The following ZC3H18 variants were observed in gnomAD, a reference collection of about 807,000 sequenced individuals.
ZC3H18 encodes zinc finger CCCH domain-containing protein 18.
Under a neutral mutation model 106.1 loss-of-function variants are expected in ZC3H18, and 8 were observed. The ratio of observed to expected loss-of-function variants is 0.08; its 90% confidence interval spans 0.04 to 0.14. The LOEUF (loss-of-function observed/expected upper bound fraction) is 0.14. Among genes scored for constraint, ZC3H18 ranks in the 10% least tolerant of loss-of-function variants. The probability of loss-of-function intolerance (pLI) is 1.00; values close to 1 mark genes in which losing one functional copy is unlikely to be tolerated. For synonymous variants in ZC3H18, 635 were observed against 522.1 expected, an observed-to-expected ratio of 1.22 and a Z score of -2.95; for missense variants, 1,318 against 1,278.4, an observed-to-expected ratio of 1.03 and a Z score of -0.47.
chr16:88,598,228 G>A lies in ZC3H18; in HGVS notation c.739G>A (p.Asp247Asn). 3 of 1,613,780 alleles carry A rather than the reference G, an allele frequency of 1.9e-6. No individual in the cohort carries two copies. Among genetic ancestry groups the A allele is most frequent in the South Asian group, 1.1e-5 (1 of 91,056 alleles). The part of the protein sequence containing the change: ...NCRFIHPGVN[D>N]KGNYSLITKA... ...TAGGTTTATACACCCTGGAGTGAAC[G>A]ACAAGGGGAACTACTCCCTAATCAC... The change falls in exon 4 of 18, where the codon GAC (aspartate) becomes AAC (asparagine). Residue 247 changes from aspartate to asparagine, a missense_variant. By Grantham distance (23) the Asp-to-Asn change is conservative (BLOSUM62 1). Around this residue, in one of 6 missense-constraint regions of ZC3H18, gnomAD observed 30 missense variants for 63.3 expected, o/e 0.47. Transcript: ENST00000301011.
At chr16:88,607,869 C>A (rs1905086928) in intron 6 of ZC3H18, among the ~76,000 whole-genome samples, 1 of 152,244 alleles carries the variant, frequency 6.6e-6, no homozygotes, top group Non-Finnish European at 1.5e-5. Context: ...CACTTATTCA[C>A]ACACACTTTG....
At chr16:88,587,990 A>G (rs1297671748) in intron 3 of ZC3H18, among the ~76,000 whole-genome samples, 1 of 152,220 alleles carries the variant, frequency 6.6e-6, no homozygotes, top group Non-Finnish European at 1.5e-5. Flanking sequence ...GACGTGCCCA[A>G]GTCACACGTG....
intron 1 of ZC3H18, among the ~76,000 whole-genome samples, chr16:88,573,549 T>C (rs1261388461): frequency 6.6e-6 from 1 of 151,962 alleles, no homozygotes; most frequent in Non-Finnish European, 1.5e-5. Context: ...TCCTTGACTT[T>C]CCCATTTTCA....
chr16:88,628,122 G>T lies in ZC3H18; in HGVS notation c.2469+3G>T. 1 of 1,612,302 alleles carries T rather than the reference G, an allele frequency of 6.2e-7. No individual in the cohort carries two copies. Among genetic ancestry groups the T allele is most frequent in the South Asian group, 1.1e-5 (1 of 91,066 alleles). ...TCAAGTTGACACTGTTGAATAAGGTGAGGGCAAGGGCCCTCCTGGTGGCTG... is the reference window on the plus strand; with the variant it reads ...TCAAGTTGACACTGTTGAATAAGGTTAGGGCAAGGGCCCTCCTGGTGGCTG... On this transcript the variant is annotated splice_donor_region_variant and intron_variant, in intron 15 of 17. Transcript: ENST00000301011.
At chr16:88,603,113 C>T (rs1482574278) in intron 6 of ZC3H18, among the ~76,000 whole-genome samples, 3 of 151,596 alleles carry the variant, frequency 2.0e-5, no homozygotes, top group African/African-American at 7.3e-5. Flanking sequence ...TACAGGCGCC[C>T]GCCACCACGC....
intron 3 of ZC3H18, among the ~76,000 whole-genome samples, chr16:88,589,427 G>C (rs1915615715): frequency 6.6e-6 from 1 of 152,202 alleles, no homozygotes; most frequent in Non-Finnish European, 1.5e-5. Context: ...AAAAAGTGAG[G>C]AATGGATAAA....
At chr16:88,624,189 C>T in intron 11 of ZC3H18, 127 bp downstream of exon 11, 1 of 1,339,786 alleles carries the variant, frequency 7.5e-7, no homozygotes, top group Non-Finnish European at 1.0e-6. Flanking sequence ...GGGGGCTGGC[C>T]CCAGGGGGTG....
chr16:88,605,240 C>T (rs1416140932), intron 6 of ZC3H18, among the ~76,000 whole-genome samples: 3 of 152,220 alleles, frequency 2.0e-5, no homozygotes, highest in African/African-American at 7.2e-5. Flanking sequence ...AGGGCCTGCT[C>T]CACATGGGTA....
chr16:88,586,797 A>T, intron 3 of ZC3H18, 113 bp downstream of exon 3: 94 of 611,208 alleles, frequency 1.5e-4, no homozygotes, highest in East Asian at 3.2e-4. Flanking sequence ...TTCTCTGGGC[A>T]TTACTGGCTA....
At position 88,624,407 on chromosome 16, in the gene ZC3H18, T is replaced by C. The variant is rs945296245; in HGVS notation, c.1899-195T>C. On this transcript the variant is annotated intron_variant, in intron 11 of 17. Coordinates refer to ENST00000301011, the MANE Select transcript of ZC3H18 (RefSeq NM_144604.4). ...CTGTTAGAGGGGAGCCTGGAAGGGC[T>C]GCTGGGGGCTTTGAAGCCGTTCCCA... 15 of 868,912 alleles carry C rather than the reference T, an allele frequency of 1.7e-5. No homozygotes were observed. In the African/African-American group the frequency reaches 2.5e-4, roughly 15 times the overall value. 53.8% of individuals were successfully genotyped at this position (868,912 alleles called of 1,614,324 possible). A position where few individuals can be genotyped will look rare whatever the true frequency, so the allele number is the denominator to read the frequency against.
intron 7 of ZC3H18, among the ~76,000 whole-genome samples, chr16:88,609,839 G>A (rs1905190842): frequency 2.0e-5 from 3 of 152,108 alleles, no homozygotes; most frequent in Admixed American, 2.0e-4. Flanking sequence ...GATCTCAGGT[G>A]ATCTGCCTAT....
chr16:88,573,967 G>C (rs1489712808), intron 1 of ZC3H18, among the ~76,000 whole-genome samples: 1 of 151,478 alleles, frequency 6.6e-6, no homozygotes, highest in African/African-American at 2.4e-5. Flanking sequence ...CCGCCCCCCC[G>C]AGTTCAAGCA....
Position 88,628,783 on chromosome 16 carries a change from G to C in ZC3H18, c.2495G>C (p.Arg832Pro). The C allele has an allele frequency of 6.2e-7, 1 of 1,614,086 alleles. No homozygotes were observed. Among genetic ancestry groups the C allele is most frequent in the Middle Eastern group, 1.6e-4 (1 of 6,062 alleles). ...GCGGCTGATAAAGGAAGCAGGAAGC[G>C]CTATGAACCATCAGACAAGGACAGG... is the stretch of plus-strand genomic sequence containing the variant. ...NKAADKGSRK[R>P]YEPSDKDRQS... Residue 832 changes from arginine to proline, a missense_variant, in exon 16 of 18, where the codon CGC (arginine) becomes CCC (proline). Arg to Pro is a moderately radical substitution (Grantham distance 103, BLOSUM62 -2). Coordinates refer to ENST00000301011, the MANE Select transcript of ZC3H18 (RefSeq NM_144604.4).
chr16:88,590,144 G>C (rs1415159936), intron 3 of ZC3H18, among the ~76,000 whole-genome samples: 1 of 152,108 alleles, frequency 6.6e-6, no homozygotes, highest in African/African-American at 2.4e-5. Context: ...GTAGAGATGG[G>C]ATCTCACTAT....
chr16:88,622,493 T>A, intron 9 of ZC3H18, 105 bp downstream of exon 9: 1 of 1,310,374 alleles, frequency 7.6e-7, no homozygotes, highest in Non-Finnish European at 1.0e-6. Flanking sequence ...CCCCACTGTT[T>A]GCTGTGGCGT....
rs1243118476 is a variant in ZC3H18 at position 88,631,455 on chromosome 16, GACA to G, written c.*159_*161del. 3 of 1,032,554 alleles carry G rather than the reference GACA, an allele frequency of 2.9e-6. No individual in the cohort carries two copies. The highest frequency in any genetic ancestry group is 3.2e-5 in the African/African-American group (2 of 61,944). The allele number at this position is 1,032,554 out of a possible 1,614,324, so 64.0% of individuals were successfully genotyped here. On this transcript the variant is annotated 3_prime_UTR_variant, in exon 18 of 18. Transcript: ENST00000301011. ...CTGGAAAAGAAGCCACACAGGAAAT[GACA>G]ACGACGCTGAATCCCAGCCTCCCTC...
intron 6 of ZC3H18, among the ~76,000 whole-genome samples, chr16:88,602,595 A>G (rs1178936348): frequency 2.0e-5 from 3 of 152,238 alleles, no homozygotes; most frequent in African/African-American, 7.2e-5. Context: ...TGCATATTAA[A>G]GTTTGAGAAC....
chr16:88,623,876 G>A, intron 10 of ZC3H18, 82 bp from the exon 11 acceptor site: 1 of 1,522,736 alleles, frequency 6.6e-7, no homozygotes, highest in Non-Finnish European at 8.8e-7. Context: ...CTTCTCCATG[G>A]GTCTGGGTGG....
intron 11 of ZC3H18, 187 bp downstream of exon 11, chr16:88,624,249 T>C (rs1906152765): frequency 3.8e-6 from 3 of 790,814 alleles, no homozygotes; most frequent in Non-Finnish European, 5.9e-6. Context: ...GGGCCACCCT[T>C]ACACAGCAGC....
Sources: gnomAD v4.1 joint callset for allele counts (sites outside exome capture counted in the v4.1 genomes callset) on GRCh38, gnomAD v4.1.1 for gene constraint, gnomAD v4.1.1 regional missense constraint, MANE v1.5 for transcripts, NCBI Gene and HGNC (gene_info 2026-07-23, HGNC 2026-07-21) for gene names.